Variants in SOX5 observed in about 807,000 individuals in gnomAD.
SOX5 encodes transcription factor SOX-5.
Under a neutral mutation model 92.0 loss-of-function variants are expected in SOX5, and 9 were observed. The ratio of observed to expected loss-of-function variants is 0.10; its 90% CI spans 0.06 to 0.17. SOX5 has a LOEUF of 0.17. SOX5 is among the 10% of genes least tolerant of loss of function. SOX5 has a pLI of 1.00. For missense variants in SOX5, 642 were observed against 944.5 expected (o/e 0.68, Z 4.20); for synonymous variants, 344 against 336.3 (o/e 1.02, Z -0.25).
intron 8 of SOX5, among the ~76,000 whole-genome samples, chr12:23,605,251 G>A (rs543953528): frequency 6.6e-6 from 1 of 151,998 alleles, no homozygotes; most frequent in East Asian, 1.9e-4. Context: ...AATTGTCCAA[G>A]TAATTAATAA....
At chr12:23,824,238 C>T in intron 3 of SOX5, among the ~76,000 whole-genome samples, 1 of 152,120 alleles carries the variant, frequency 6.6e-6, no homozygotes, top group Non-Finnish European at 1.5e-5. Flanking sequence ...GCTGTTTTTT[C>T]CTCATCTTTG....
chr12:23,998,865 A>AT (rs1951308103), intron 4 of SOX5, among the ~76,000 whole-genome samples: 4 of 151,848 alleles, frequency 2.6e-5, no homozygotes. Flanking sequence ...TAATGGCCAC[A>AT]AACTTCACAA....
chr12:24,289,934 G>C (rs1946427369), intron 2 of SOX5, among the ~76,000 whole-genome samples: 1 of 152,156 alleles, frequency 6.6e-6, no homozygotes, highest in Admixed American at 6.5e-5. Context: ...TTCTGCACCT[G>C]AAGTGTAAAC....
chr12:24,369,613 G>A (rs543061419), intron 1 of SOX5, among the ~76,000 whole-genome samples: 15 of 152,248 alleles, frequency 9.9e-5, no homozygotes, highest in Non-Finnish European at 1.5e-4. Context: ...TCTTCTCTTC[G>A]CTGAATTTAA....
chr12:23,980,700 C>T (rs1949494933), intron 4 of SOX5, among the ~76,000 whole-genome samples: 1 of 152,134 alleles, frequency 6.6e-6, no homozygotes, highest in Non-Finnish European at 1.5e-5. Context: ...GTTTTCCCCT[C>T]TTCTTATGCC....
chr12:24,540,818 A>G (rs1397689268), intron 1 of SOX5, among the ~76,000 whole-genome samples: 1 of 152,170 alleles, frequency 6.6e-6, no homozygotes, highest in Non-Finnish European at 1.5e-5. Flanking sequence ...TCAAAAATCA[A>G]ACTCTGTACT....
At chr12:24,535,265 C>T (rs1358374255) in intron 1 of SOX5, among the ~76,000 whole-genome samples, 5 of 152,172 alleles carry the variant, frequency 3.3e-5, no homozygotes, top group Middle Eastern at 3.2e-3. Context: ...ATAGTTTTCC[C>T]GTCTCTCCTC....
chr12:24,037,151 T>C (rs1391071136), intron 4 of SOX5, among the ~76,000 whole-genome samples: 8 of 151,952 alleles, frequency 5.3e-5, no homozygotes, highest in Non-Finnish European at 1.2e-4. Context: ...AGGGAGAAAA[T>C]AAACCATTTT....
intron 7 of SOX5, among the ~76,000 whole-genome samples, chr12:23,660,367 C>A (rs2082875741): frequency 1.3e-5 from 2 of 152,062 alleles, no homozygotes; most frequent in South Asian, 4.2e-4. Context: ...TCTTATTACA[C>A]CATTGTGTAG....
intron 3 of SOX5, among the ~76,000 whole-genome samples, chr12:23,836,521 A>G (rs140205535): frequency 2.0e-5 from 3 of 152,036 alleles, no homozygotes; most frequent in Non-Finnish European, 1.5e-5. Flanking sequence ...CTCTTCTTCA[A>G]CCCATATGCA....
At chr12:24,401,484 A>T (rs2136642473) in intron 1 of SOX5, among the ~76,000 whole-genome samples, 1 of 152,040 alleles carries the variant, frequency 6.6e-6, no homozygotes, top group South Asian at 2.1e-4. Context: ...TCAAGGCAGG[A>T]GGATCACTCG....
At chr12:24,008,709 T>A (rs1413226881) in intron 4 of SOX5, among the ~76,000 whole-genome samples, 1 of 152,154 alleles carries the variant, frequency 6.6e-6, no homozygotes, top group Non-Finnish European at 1.5e-5. Flanking sequence ...TAAATTCCTA[T>A]GTTATTAAAG....
intron 1 of SOX5, among the ~76,000 whole-genome samples, chr12:24,475,850 C>T (rs1945305939): frequency 6.6e-6 from 1 of 152,108 alleles, no homozygotes; most frequent in African/African-American, 2.4e-5. Context: ...GGCATGGTAG[C>T]ATGTGCCTGT....
intron 4 of SOX5, among the ~76,000 whole-genome samples, chr12:24,146,972 A>G (rs527380624): frequency 1.3e-5 from 2 of 152,168 alleles, no homozygotes; most frequent in Non-Finnish European, 2.9e-5. Flanking sequence ...TATTTTTTAA[A>G]TGGGATGATA....
At chr12:24,299,608 A>G (rs1232766678) in intron 2 of SOX5, among the ~76,000 whole-genome samples, 1 of 152,218 alleles carries the variant, frequency 6.6e-6, no homozygotes, top group South Asian at 2.1e-4. Flanking sequence ...ATATAAATTC[A>G]AAATAAACAA....
intron 4 of SOX5, among the ~76,000 whole-genome samples, chr12:24,162,381 T>C (rs1952855504): frequency 6.6e-6 from 1 of 152,096 alleles, no homozygotes; most frequent in South Asian, 2.1e-4. Flanking sequence ...ACAAAAGTAA[T>C]GACTCCTAAG....
intron 1 of SOX5, among the ~76,000 whole-genome samples, chr12:23,906,016 T>C (rs959861095): frequency 1.3e-5 from 2 of 152,172 alleles, no homozygotes; most frequent in Non-Finnish European, 2.9e-5. Context: ...AGAAAAATAA[T>C]AGAAATGATT....
intron 2 of SOX5, among the ~76,000 whole-genome samples, chr12:24,306,125 C>A (rs987881898): frequency 2.0e-5 from 3 of 152,022 alleles, no homozygotes; most frequent in African/African-American, 7.3e-5. Flanking sequence ...AGTCCCACAC[C>A]CATAGAAAAT....
At chr12:24,359,353 T>C (rs922411068) in intron 2 of SOX5, among the ~76,000 whole-genome samples, 92 of 152,246 alleles carry the variant, frequency 6.0e-4, no homozygotes, top group African/African-American at 2.2e-3. Flanking sequence ...TGCTCCGGTC[T>C]TGCCGTTATC....
Sources: allele counts gnomAD v4.1 joint callset (sites outside exome capture counted in the v4.1 genomes callset), GRCh38; gene constraint gnomAD v4.1.1; transcripts MANE v1.5; gene names NCBI Gene and HGNC (gene_info 2026-07-23, HGNC 2026-07-21).